The following TMEM132D variants were observed in gnomAD, a reference collection of about 807,000 sequenced individuals.
The protein encoded by TMEM132D is transmembrane protein 132D.
TMEM132D carries 21 observed loss-of-function variants against 62.3 expected under a neutral mutation model. The observed-to-expected ratio is 0.34, with a 90% CI of 0.24 to 0.49. The LOEUF is 0.49. Among genes scored for constraint, TMEM132D ranks in the 20% least tolerant of loss-of-function variants. The pLI is 0.99. For missense variants in TMEM132D, 1,346 were observed against 1,402.8 expected (o/e 0.96, Z 0.65); for synonymous variants, 621 against 575.6 (o/e 1.08, Z -1.13).
intron 5 of TMEM132D, among the ~76,000 whole-genome samples, chr12:129,161,062 C>A (rs1877387364): frequency 6.6e-6 from 1 of 152,132 alleles, no homozygotes; most frequent in African/African-American, 2.4e-5. Context: ...AGTAAAAAAG[C>A]AATGTGATAA....
At chr12:129,566,703 C>G (rs1372333679) in intron 2 of TMEM132D, among the ~76,000 whole-genome samples, 1 of 152,176 alleles carries the variant, frequency 6.6e-6, no homozygotes, top group Non-Finnish European at 1.5e-5. Context: ...CTTTCCAGGT[C>G]TTTTCCTGAT....
intron 2 of TMEM132D, among the ~76,000 whole-genome samples, chr12:129,679,285 C>G (rs557285397): frequency 4.3e-4 from 66 of 151,962 alleles, no homozygotes; most frequent in African/African-American, 1.5e-3. Flanking sequence ...GAATTATTAG[C>G]AAATTATTTA....
intron 4 of TMEM132D, among the ~76,000 whole-genome samples, chr12:129,243,720 C>T (rs1879995918): frequency 6.6e-6 from 1 of 152,062 alleles, no homozygotes; most frequent in Admixed American, 6.6e-5. Context: ...GAATTTAATG[C>T]AAAGTAAATT....
rs761892015 is a variant in TMEM132D, at chr12:129,524,920, C to CTTTTTT, written c.1115+6133_1115+6138dup. On this transcript the variant is annotated intron_variant, in intron 3 of 8. Transcript: ENST00000422113. Reference sequence around the variant, plus strand: ...CATTTTATTATTTTCATATTTTTTTCTTTTTTCTTTTTTTTTTTTTTTTTG... The same window carrying CTTTTTT: ...CATTTTATTATTTTCATATTTTTTTCTTTTTTTTTTTTCTTTTTTTTTTTTTTTTTG... Among the ~76,000 whole-genome samples the CTTTTTT allele has an allele frequency of 8.5e-4, 78 of 92,174 alleles. 10 individuals are homozygous for CTTTTTT. The highest frequency in any genetic ancestry group is 1.6e-3 in the African/African-American group (35 of 22,494). 60.5% of individuals were successfully genotyped at this position (92,174 alleles called of 152,430 possible). A position where few individuals can be genotyped will look rare whatever the true frequency, so the allele number is the denominator to read the frequency against.
chr12:129,623,729 A>T (rs890041893), intron 2 of TMEM132D, among the ~76,000 whole-genome samples: 8 of 134,606 alleles, frequency 5.9e-5, no homozygotes, highest in African/African-American at 2.3e-4. Flanking sequence ...ATATACATAC[A>T]TATATACATA....
At position 129,135,641 on chromosome 12, in the gene TMEM132D, C is replaced by T. The variant is rs139526177; in HGVS notation, c.1444-50939G>A. On this transcript the variant is annotated intron_variant, in intron 5 of 8. Coordinates refer to ENST00000422113, the MANE Select transcript of TMEM132D (RefSeq NM_133448.3). Reference sequence around the variant, plus strand: ...TAACAAGGCACTATAAGCTGTGTGCCTTAGAACAAATAGTTTTTTTTTGCT... The same window carrying T: ...TAACAAGGCACTATAAGCTGTGTGCTTTAGAACAAATAGTTTTTTTTTGCT... Among the ~76,000 whole-genome samples, 813 of 120,102 alleles carry T rather than the reference C, an allele frequency of 6.8e-3. 31 individuals carry two copies. The highest frequency in any genetic ancestry group is 0.066 in the Admixed American group (765 of 11,646). The allele number at this position is 120,102 out of a possible 152,430, so 78.8% of individuals were successfully genotyped here.
chr12:129,290,819 G>A (rs968593509), intron 4 of TMEM132D, among the ~76,000 whole-genome samples: 1 of 152,152 alleles, frequency 6.6e-6, no homozygotes, highest in Non-Finnish European at 1.5e-5. Context: ...CCCATGGCAA[G>A]GATACATTTT....
intron 3 of TMEM132D, among the ~76,000 whole-genome samples, chr12:129,434,133 G>A (rs372303380): frequency 1.3e-5 from 2 of 152,088 alleles, no homozygotes; most frequent in African/African-American, 4.8e-5. Context: ...AGAGGTGAGC[G>A]ACCTGTAGGA....
Position 129,690,950 on chromosome 12 carries a change from A to G in TMEM132D, c.968+8860T>C, listed in dbSNP as rs1052675498. On this transcript the variant is annotated intron_variant, in intron 2 of 8. Transcript: ENST00000422113. Reference sequence around the variant, plus strand: ...AGAAAGATTACATTCTGTGCCATGTAGCCTTATATTTAAAATAGAAATTAT... The same window carrying G: ...AGAAAGATTACATTCTGTGCCATGTGGCCTTATATTTAAAATAGAAATTAT... 4.6e-5 allele frequency among the ~76,000 whole-genome samples: 7 copies of G among 152,262 alleles called. No homozygotes were observed. The East Asian group carries it at 9.7e-4, about 21-fold the overall frequency.
chr12:129,240,418 C>T (rs57261589), intron 4 of TMEM132D, among the ~76,000 whole-genome samples: 8 of 152,038 alleles, frequency 5.3e-5, no homozygotes, highest in South Asian at 2.1e-4. Context: ...GGCAGGCTGA[C>T]GTAGCTGAAA....
chr12:129,395,876 T>C (rs1871412904), intron 3 of TMEM132D, among the ~76,000 whole-genome samples: 1 of 126,980 alleles, frequency 7.9e-6, no homozygotes, highest in South Asian at 2.8e-4. Flanking sequence ...TGGCTATAAA[T>C]ATATATTTAT....
intron 2 of TMEM132D, among the ~76,000 whole-genome samples, chr12:129,569,914 C>T (rs963600701): frequency 6.6e-6 from 1 of 152,150 alleles, no homozygotes; most frequent in East Asian, 1.9e-4. Context: ...TTGAAATGGA[C>T]GTATCCTACT....
chr12:129,199,056 A>T (rs1044436901), intron 5 of TMEM132D, among the ~76,000 whole-genome samples: 5 of 151,552 alleles, frequency 3.3e-5, no homozygotes, highest in Non-Finnish European at 5.9e-5. Context: ...AATAAGTATT[A>T]AAACATCACA....
chr12:129,628,762 T>C (rs143089534), intron 2 of TMEM132D, among the ~76,000 whole-genome samples: 115 of 152,190 alleles, frequency 7.6e-4, no homozygotes, highest in African/African-American at 2.6e-3. Context: ...CTCTCTCATC[T>C]TCCCATGACC....
chr12:129,330,848 A>G (rs561373361), intron 4 of TMEM132D, among the ~76,000 whole-genome samples: 2 of 152,346 alleles, frequency 1.3e-5, no homozygotes, highest in East Asian at 1.9e-4. Context: ...GGATCAAAGA[A>G]TAAAATGAGA....
At chr12:129,626,813 T>C (rs2137163911) in intron 2 of TMEM132D, among the ~76,000 whole-genome samples, 2 of 152,298 alleles carry the variant, frequency 1.3e-5, no homozygotes, top group African/African-American at 4.8e-5. Flanking sequence ...TTTTTAATTT[T>C]CTCATGGCTT....
chr12:129,382,790 G>T (rs1441800173), intron 3 of TMEM132D, among the ~76,000 whole-genome samples: 1 of 152,096 alleles, frequency 6.6e-6, no homozygotes, highest in Non-Finnish European at 1.5e-5. Context: ...CCAATCTATT[G>T]CACTGAGAGC....
intron 2 of TMEM132D, among the ~76,000 whole-genome samples, chr12:129,551,386 G>A (rs1216757759): frequency 6.6e-6 from 1 of 152,184 alleles, no homozygotes; most frequent in Non-Finnish European, 1.5e-5. Flanking sequence ...GGCCAGGCTG[G>A]GCTTAGGAAG....
At chr12:129,769,979 G>A (rs541089719) in intron 1 of TMEM132D, among the ~76,000 whole-genome samples, 245 of 151,902 alleles carry the variant, frequency 1.6e-3, no homozygotes, top group African/African-American at 5.7e-3. Flanking sequence ...CCCGACGAAC[G>A]TTCTTTTATT....
Sources: gnomAD v4.1 joint callset for allele counts (sites outside exome capture counted in the v4.1 genomes callset) on GRCh38, gnomAD v4.1.1 for gene constraint, MANE v1.5 for transcripts, NCBI Gene and HGNC (gene_info 2026-07-23, HGNC 2026-07-21) for gene names.